The following ZNF26 variants were observed in gnomAD, a reference collection of about 807,000 sequenced individuals.
ZNF26 encodes the protein zinc finger protein 26, also known as epididymis luminal protein 179.
A neutral mutation model predicts 54.9 loss-of-function variants in ZNF26; 32 were observed. That is an observed-to-expected ratio of 0.58 (90% confidence interval 0.44 to 0.78). The LOEUF (loss-of-function observed/expected upper bound fraction) is 0.78. Among genes scored for constraint, ZNF26 ranks in the 30% least tolerant of loss-of-function variants. The probability of loss-of-function intolerance (pLI) is 0.00; values close to 1 mark genes in which losing one functional copy is unlikely to be tolerated. For synonymous variants in ZNF26, 221 were observed against 209.2 expected, an observed-to-expected ratio of 1.06 and a Z score of -0.49; for missense variants, 524 against 634.0, an observed-to-expected ratio of 0.83 and a Z score of 1.86.
At chr12:132,997,032 T>G (rs1015816138) in intron 1 of ZNF26, among the ~76,000 whole-genome samples, 1 of 152,228 alleles carries the variant, frequency 6.6e-6, no homozygotes, top group South Asian at 2.1e-4. Context: ...GACCCAGTGC[T>G]TCTAGACCGT....
rs1953436693 is a variant in ZNF26, at chr12:133,010,139, G to C, written c.260G>C (p.Gly87Ala). ...TATTTTGTTTGTTTTTTTGTAGATG[G>C]CTGGGAAGAATGGTACCAGAACAAT... ...AKISRQSCPD[G>A]WEEWYQNNQD... Residue 87 changes from glycine to alanine, a missense_variant, in exon 4 of 4, where the codon GGC becomes GCC. Physicochemically the swap from Gly to Ala is moderately conservative, Grantham distance 60. Transcript: ENST00000328654. 1 of 1,577,040 alleles carries C rather than the reference G, an allele frequency of 6.3e-7. No individual in the cohort carries two copies. Among genetic ancestry groups the C allele is most frequent in the Non-Finnish European group, 8.6e-7 (1 of 1,168,582 alleles).
rs1953450253 is a variant in ZNF26, at chr12:133,010,641, A to G, written c.762A>G (p.Gly254=). 2 of 1,614,082 alleles carry G rather than the reference A, an allele frequency of 1.2e-6. No homozygotes were observed. The highest frequency in any genetic ancestry group is 1.3e-5 in the African/African-American group (1 of 74,930). ...TTGTCCATCAGGAAATTCACACAGG[A>G]GGGAAACCCTATGGCTGCAGTGAAT... ...QLIVHQEIHT[G]GKPYGCSECG... Residue 254 remains glycine, a synonymous_variant, in exon 4 of 4, where the codon GGA becomes GGG. Coordinates refer to ENST00000328654, the MANE Select transcript of ZNF26 (RefSeq NM_019591.4).
Position 133,011,088 on chromosome 12 carries a change from TGG to T in ZNF26, c.1211_1212del (p.Gly404GlufsTer13). On this transcript the variant is annotated frameshift_variant, in exon 4 of 4. Transcript: ENST00000328654. LOFTEE classifies it high-confidence loss of function. ...AGAAGCCCTATGGATGCAGTGAATGTGGGAAGGCTTTCAGCAGCAAGTCATAC... is the reference window on the plus strand; with the variant it reads ...AGAAGCCCTATGGATGCAGTGAATGTGAAGGCTTTCAGCAGCAAGTCATAC... ...GEKPYGCSEC[G>X]KAFSSKSYLV... The T allele has an allele frequency of 6.2e-7, 1 of 1,614,064 alleles. No homozygotes were observed. Among genetic ancestry groups the T allele is most frequent in the Non-Finnish European group, 8.5e-7 (1 of 1,179,990 alleles).
At chr12:132,997,416 G>A (rs1035754933) in intron 1 of ZNF26, among the ~76,000 whole-genome samples, 6 of 151,742 alleles carry the variant, frequency 4.0e-5, no homozygotes, top group Admixed American at 4.0e-4. Flanking sequence ...CAGAACAGGG[G>A]TTAATCAGAA....
chr12:132,986,873 G>A lies in ZNF26; in HGVS notation c.33G>A (p.Trp11Ter). Residue 11 changes from tryptophan (W) to a stop codon, truncating the protein, a stop_gained and splice_region_variant, in exon 1 of 4, where the codon TGG becomes TGA. Coordinates refer to ENST00000328654, the MANE Select transcript of ZNF26 (RefSeq NM_019591.4). LOFTEE classifies it high-confidence loss of function. Reference sequence around the variant, plus strand: ...CCAGTTTCCGGACAGCTTCGTGCTGGGTAAGTAGAGACTTTCCGTGTTTAA... The same window carrying A: ...CCAGTTTCCGGACAGCTTCGTGCTGAGTAAGTAGAGACTTTCCGTGTTTAA... Reference protein sequence around the residue: MATSFRTASCWGLLSFKDISM... With the variant: MATSFRTASC The A allele has an allele frequency of 6.2e-7, 1 of 1,606,248 alleles. No homozygotes were observed. The highest frequency in any genetic ancestry group is 8.5e-7 in the Non-Finnish European group (1 of 1,176,414).
intron 1 of ZNF26, chr12:132,987,551 C>A: frequency 4.6e-6 from 1 of 215,432 alleles, no homozygotes; most frequent in Non-Finnish European, 8.0e-6. Context: ...GACGACGTTG[C>A]CGGATGTGGT....
Position 132,986,819 on chromosome 12 carries a change from G to C in ZNF26, c.-22G>C. 6.3e-7 allele frequency: 1 copy of C among 1,599,594 alleles called. No homozygotes were observed. The highest frequency in any genetic ancestry group is 1.1e-5 in the South Asian group (1 of 88,630). ...CCCGCGGGTCCTGCCCCCGCAGGCA[G>C]CGCGCGAACGTGGGCGTGGGGATGG... On this transcript the variant is annotated 5_prime_UTR_variant, in exon 1 of 4. Coordinates refer to ENST00000328654, the MANE Select transcript of ZNF26 (RefSeq NM_019591.4).
Position 133,023,797 on chromosome 12 carries a change from A to G in ZNF26, c.*12316A>G, listed in dbSNP as rs1953671173. On this transcript the variant is annotated 3_prime_UTR_variant, in exon 4 of 4. Transcript: ENST00000328654. ...GTGATCATGTAACTTCGCAGGATAT[A>G]AAAAGCCATGCGGCTTCTGCCTTGA... The G allele has an allele frequency of 6.6e-6, 1 of 152,240 alleles. No individual in the cohort carries two copies. The highest frequency in any genetic ancestry group is 1.9e-4 in the East Asian group (1 of 5,200). 9.4% of individuals were successfully genotyped at this position (152,240 alleles called of 1,614,324 possible). A position where few individuals can be genotyped will look rare whatever the true frequency, so the allele number is the denominator to read the frequency against.
intron 1 of ZNF26, among the ~76,000 whole-genome samples, chr12:132,990,962 G>A (rs903526784): frequency 3.3e-5 from 5 of 151,830 alleles, no homozygotes; most frequent in Admixed American, 2.0e-4. Flanking sequence ...AGGTTCAAGC[G>A]ATTCTCCTGC....
chr12:133,000,134 C>T (rs1360562979), intron 1 of ZNF26, among the ~76,000 whole-genome samples: 1 of 152,104 alleles, frequency 6.6e-6, no homozygotes, highest in Admixed American at 6.5e-5. Context: ...TTTTAAATCT[C>T]TTAAGAGTTT....
At position 133,001,763 on chromosome 12, in the gene ZNF26, G is replaced by A; in HGVS notation, c.34-5279G>A. 8.0e-7 allele frequency: 1 copy of A among 1,247,552 alleles called. No homozygotes were observed. The highest frequency in any genetic ancestry group is 1.1e-6 in the Non-Finnish European group (1 of 951,190). The allele number at this position is 1,247,552 out of a possible 1,614,324, so 77.3% of individuals were successfully genotyped here. A position where few individuals can be genotyped will look rare whatever the true frequency, so the allele number is the denominator to read the frequency against. ...CGCAGGGAGGCGGGGCCCTGTTTGA[G>A]GTGAGCTGCTGAACCCTCACTCCCC... On this transcript the variant is annotated intron_variant, in intron 1 of 3. Coordinates refer to ENST00000328654, the MANE Select transcript of ZNF26 (RefSeq NM_019591.4). This position sits in a 1 kb window ranked among gnomAD's most constrained non-coding sequence, Gnocchi z 4.7.
chr12:133,011,208 A>G lies in ZNF26; in HGVS notation c.1329A>G (p.Ile443Met). ...RAFCGKSQLIIHQRTHSTEKP... is the reference protein window; with the variant it reads ...RAFCGKSQLIMHQRTHSTEKP... Reference sequence around the variant, plus strand: ...TTTGTGGAAAATCACAGCTGATTATACATCAGAGAACTCATTCAACTGAGA... The same window carrying G: ...TTTGTGGAAAATCACAGCTGATTATGCATCAGAGAACTCATTCAACTGAGA... The change falls in exon 4 of 4, where the codon ATA (isoleucine) becomes ATG (methionine). Residue 443 changes from isoleucine to methionine, a missense_variant. By Grantham distance (10) the Ile-to-Met change is conservative. Coordinates refer to ENST00000328654, the MANE Select transcript of ZNF26 (RefSeq NM_019591.4). 6.2e-7 allele frequency: 1 copy of G among 1,614,198 alleles called. No homozygotes were observed. Among genetic ancestry groups the G allele is most frequent in the Non-Finnish European group, 8.5e-7 (1 of 1,180,034 alleles).
chr12:132,988,124 T>C (rs1952866329), intron 1 of ZNF26, among the ~76,000 whole-genome samples: 1 of 152,206 alleles, frequency 6.6e-6, no homozygotes, highest in African/African-American at 2.4e-5. Context: ...TTCTTGAGCC[T>C]CAGCCTCCCG....
Position 133,010,397 on chromosome 12 carries a change from A to T in ZNF26, c.518A>T (p.Asn173Ile). 1 of 1,614,196 alleles carries T rather than the reference A, an allele frequency of 6.2e-7. No homozygotes were observed. The highest frequency in any genetic ancestry group is 1.1e-5 in the South Asian group (1 of 91,086). ...KHQRAHSIEK[N>I]CVCSECGKAF... ...CAAAGAGCTCATAGCATAGAAAAAA[A>T]CTGTGTGTGTAGTGAATGTGGGAAA... The change falls in exon 4 of 4, where the codon AAC becomes ATC. Residue 173 changes from asparagine (N) to isoleucine (I), a missense_variant. Transcript: ENST00000328654.
chr12:133,007,365 T>G, intron 2 of ZNF26, 72 bp from the exon 3 acceptor site: 1 of 1,404,126 alleles, frequency 7.1e-7, no homozygotes, highest in Admixed American at 1.9e-5. Flanking sequence ...GCAGTTTTGC[T>G]CTGTAGCTCT....
At position 133,010,907 on chromosome 12, in the gene ZNF26, A is replaced by G. The variant is rs1953456661; in HGVS notation, c.1028A>G (p.Gln343Arg). The G allele has an allele frequency of 1.2e-6, 2 of 1,613,852 alleles. No homozygotes were observed. The highest frequency in any genetic ancestry group is 1.1e-5 in the South Asian group (1 of 91,084). Residue 343 changes from glutamine (Q) to arginine (R), a missense_variant, in exon 4 of 4, where the codon CAA becomes CGA. By Grantham distance (43) the Gln-to-Arg change is conservative. Transcript: ENST00000328654. ...ATGCATACAGGAGAAAAACCCTATC[A>G]ATGCAGTGATTGTGGGAAAGCCTTC... Reference protein sequence around the residue: ...IRMHTGEKPYQCSDCGKAFNM... With the variant: ...IRMHTGEKPYRCSDCGKAFNM...
rs926663511 is a variant in ZNF26, at chr12:133,020,508, A to T, written c.*9027A>T. 4 of 152,302 alleles carry T rather than the reference A, an allele frequency of 2.6e-5. No homozygotes were observed. Among genetic ancestry groups the T allele is most frequent in the Middle Eastern group, 3.4e-3 (1 of 292 alleles). The allele number at this position is 152,302 out of a possible 1,614,324, so 9.4% of individuals were successfully genotyped here. On this transcript the variant is annotated 3_prime_UTR_variant, in exon 4 of 4. Coordinates refer to ENST00000328654, the MANE Select transcript of ZNF26 (RefSeq NM_019591.4). ...TGCCTCAAAAAAGGCAAAAAAGAAG[A>T]TATAATAATTATAAACATGTATGTA... is the stretch of plus-strand genomic sequence containing the variant.
intron 1 of ZNF26, among the ~76,000 whole-genome samples, chr12:132,988,769 ATC>A (rs1248483414): frequency 2.0e-5 from 3 of 152,158 alleles, no homozygotes; most frequent in African/African-American, 7.2e-5. Context: ...AACATGTTAT[ATC>A]TCTCTATCTA....
intron 1 of ZNF26, among the ~76,000 whole-genome samples, chr12:132,988,384 T>G (rs1225209670): frequency 6.6e-5 from 10 of 152,128 alleles, no homozygotes; most frequent in Admixed American, 2.6e-4. Context: ...TACAGGCATA[T>G]GCCACCACAT....
Sources: allele counts gnomAD v4.1 joint callset (sites outside exome capture counted in the v4.1 genomes callset), GRCh38; gene constraint gnomAD v4.1.1; non-coding constraint Gnocchi (gnomAD v3.1); transcripts MANE v1.5; gene names NCBI Gene and HGNC (gene_info 2026-07-23, HGNC 2026-07-21).